The following APBB2 variants were observed in gnomAD, a reference collection of about 807,000 sequenced individuals.
APBB2 encodes the protein amyloid beta precursor protein binding family B member 2, also known as Fe65-like 1.
A neutral mutation model predicts 82.5 loss-of-function variants in APBB2; 38 were observed. The ratio of observed to expected loss-of-function variants is 0.46; its 90% CI spans 0.36 to 0.60. The LOEUF is 0.60. APBB2 is among the 20% of genes least tolerant of loss of function. The probability of loss-of-function intolerance (pLI) is 0.00; values close to 1 mark genes in which losing one functional copy is unlikely to be tolerated. For missense variants in APBB2, 772 were observed against 972.3 expected, an observed-to-expected ratio of 0.79 and a Z score of 2.74; for synonymous variants, 341 against 368.2, an observed-to-expected ratio of 0.93 and a Z score of 0.85.
chr4:41,052,380 C>T (rs1397655564), intron 4 of APBB2, among the ~76,000 whole-genome samples: 4 of 152,150 alleles, frequency 2.6e-5, no homozygotes, highest in African/African-American at 7.2e-5. Flanking sequence ...CCAAGCAGGG[C>T]ACCACACCAG....
At chr4:40,869,975 C>T (rs1432996370) in intron 12 of APBB2, among the ~76,000 whole-genome samples, 1 of 151,818 alleles carries the variant, frequency 6.6e-6, no homozygotes, top group African/African-American at 2.4e-5. Flanking sequence ...ATATGGACTA[C>T]ATTTCACAAC....
intron 1 of APBB2, among the ~76,000 whole-genome samples, chr4:41,187,742 A>G (rs1773278309): frequency 6.6e-6 from 1 of 152,260 alleles, no homozygotes; most frequent in Non-Finnish European, 1.5e-5. Flanking sequence ...CAAAACTTTT[A>G]AAATCTAAAC....
chr4:41,143,990 T>C (rs1759981983), intron 1 of APBB2, among the ~76,000 whole-genome samples: 1 of 152,238 alleles, frequency 6.6e-6, no homozygotes, highest in African/African-American at 2.4e-5. Context: ...TGCTCACTGG[T>C]GGTGCAGCTA....
At chr4:40,849,132 G>T (rs1421224319) in intron 12 of APBB2, among the ~76,000 whole-genome samples, 1 of 151,864 alleles carries the variant, frequency 6.6e-6, no homozygotes, top group African/African-American at 2.4e-5. Flanking sequence ...GTAGGGAGTT[G>T]GCTGGATTCC....
At chr4:40,930,422 T>TGG (rs1306265999) in intron 10 of APBB2, among the ~76,000 whole-genome samples, 7 of 111,954 alleles carry the variant, frequency 6.3e-5, no homozygotes, top group Admixed American at 5.8e-4. Flanking sequence ...TTTGGGGAAG[T>TGG]GTGTGTGTGT....
intron 10 of APBB2, among the ~76,000 whole-genome samples, chr4:40,900,774 T>A (rs1023228407): frequency 2.5e-4 from 38 of 150,618 alleles, no homozygotes; most frequent in Admixed American, 5.3e-4. Flanking sequence ...TTTTTTTTTT[T>A]AATTCAGAGT....
chr4:41,102,412 C>T (rs1451545877), intron 2 of APBB2, among the ~76,000 whole-genome samples: 1 of 152,188 alleles, frequency 6.6e-6, no homozygotes, highest in Non-Finnish European at 1.5e-5. Flanking sequence ...TCACCTATCC[C>T]CTGGGCATCA....
intron 2 of APBB2, among the ~76,000 whole-genome samples, chr4:41,105,817 C>T (rs1046681348): frequency 2.7e-5 from 4 of 149,654 alleles, no homozygotes; most frequent in Admixed American, 1.3e-4. Context: ...ACCCGGGAGG[C>T]GGAGCTTGCG....
rs145450575 is a variant in APBB2 at position 40,967,350 on chromosome 4, C to T, written c.836-22277G>A. Among the ~76,000 whole-genome samples the T allele has an allele frequency of 1.4e-3, 218 of 152,318 alleles. 2 individuals carry two copies. The East Asian group carries it at 0.021, about 15-fold the overall frequency. The stretch of plus-strand genomic sequence containing the variant: ...TAACACAAACAGGGTTGAAACACGC[C>T]CCTTGCTTGCCACGTTGCAGGCAAT... On this transcript the variant is annotated intron_variant, in intron 6 of 17. Coordinates refer to ENST00000508593, the MANE Select transcript of APBB2 (RefSeq NM_004307.2).
intron 10 of APBB2, among the ~76,000 whole-genome samples, chr4:40,929,078 CTTTG>C (rs139056724): frequency 0.017 from 2,520 of 151,458 alleles, 34 homozygotes; most frequent in Non-Finnish European, 0.028. Flanking sequence ...ATGTTAATTT[CTTTG>C]TTTGTACTGT....
intron 4 of APBB2, among the ~76,000 whole-genome samples, chr4:41,043,027 T>A (rs1165673466): frequency 6.6e-6 from 1 of 152,214 alleles, no homozygotes; most frequent in Non-Finnish European, 1.5e-5. Context: ...ATCTATTTTT[T>A]ATTTTTTTCT....
chr4:40,827,010 G>C, intron 14 of APBB2, 122 bp downstream of exon 14: 1 of 851,184 alleles, frequency 1.2e-6, no homozygotes, highest in Non-Finnish European at 1.9e-6. Flanking sequence ...CTCAACTTGT[G>C]CTTACTGAGT....
chr4:40,870,995 C>T (rs770124314), intron 12 of APBB2, among the ~76,000 whole-genome samples: 56 of 102,648 alleles, frequency 5.5e-4, no homozygotes, highest in East Asian at 1.8e-3. Context: ...GCCACCACCG[C>T]GCCCAGCCAT....
intron 3 of APBB2, among the ~76,000 whole-genome samples, chr4:41,085,979 CT>C (rs1354090217): frequency 2.0e-5 from 3 of 151,924 alleles, no homozygotes; most frequent in Non-Finnish European, 2.9e-5. Context: ...AGAAGACTAA[CT>C]AAAATCAGAA....
chr4:41,209,232 T>G (rs542246546), intron 1 of APBB2, among the ~76,000 whole-genome samples: 2 of 152,296 alleles, frequency 1.3e-5, no homozygotes, highest in Non-Finnish European at 2.9e-5. Context: ...CTGACTCACT[T>G]AAAGGTTAAT....
At chr4:41,139,612 T>C (rs1758523062) in intron 2 of APBB2, among the ~76,000 whole-genome samples, 1 of 152,152 alleles carries the variant, frequency 6.6e-6, no homozygotes, top group Non-Finnish European at 1.5e-5. Context: ...TATCAATTCA[T>C]GAAAAGACAT....
intron 10 of APBB2, among the ~76,000 whole-genome samples, chr4:40,896,226 G>C (rs760037074): frequency 1.3e-5 from 2 of 152,120 alleles, no homozygotes; most frequent in African/African-American, 2.4e-5. Context: ...CACCGTGCCC[G>C]GCTAATGTTT....
At chr4:40,973,054 T>C (rs1045575002) in intron 6 of APBB2, among the ~76,000 whole-genome samples, 2 of 152,226 alleles carry the variant, frequency 1.3e-5, no homozygotes, top group Non-Finnish European at 2.9e-5. Context: ...CATAAACATA[T>C]ATTTGAATGA....
In APBB2 at chr4:40,813,476, C is replaced by A. The variant is rs1013040293; in HGVS notation, c.*2616G>T. 6.6e-6 allele frequency: 1 copy of A among 152,160 alleles called. No individual in the cohort carries two copies. Among genetic ancestry groups the A allele is most frequent in the African/African-American group, 2.4e-5 (1 of 41,434 alleles). 9.4% of individuals were successfully genotyped at this position (152,160 alleles called of 1,614,324 possible). A position where few individuals can be genotyped will look rare whatever the true frequency, so the allele number is the denominator to read the frequency against. On this transcript the variant is annotated 3_prime_UTR_variant, in exon 18 of 18. Transcript: ENST00000508593. ...ATTGGCATCCTTTTACAAACAAATA[C>A]ACACATACTTTCATACATACTTTTT... is the stretch of plus-strand genomic sequence containing the variant.
Sources: gnomAD v4.1 joint callset for allele counts (sites outside exome capture counted in the v4.1 genomes callset) on GRCh38, gnomAD v4.1.1 for gene constraint, MANE v1.5 for transcripts, NCBI Gene and HGNC (gene_info 2026-07-23, HGNC 2026-07-21) for gene names.